Variants in ADGRL3 observed in about 807,000 individuals in gnomAD.
The protein encoded by ADGRL3 is calcium-independent alpha-latrotoxin receptor 3.
A neutral mutation model predicts 153.5 loss-of-function variants in ADGRL3; 62 were observed. That is an observed-to-expected ratio of 0.40 (90% CI 0.33 to 0.50). ADGRL3 has a LOEUF of 0.50. ADGRL3 is among the 20% of genes least tolerant of loss of function. The probability of loss-of-function intolerance (pLI) is 0.47; values close to 1 mark genes in which losing one functional copy is unlikely to be tolerated. For synonymous variants in ADGRL3, 710 were observed against 672.5 expected (o/e 1.06, Z -0.86); for missense variants, 1,641 against 1,859.4 (o/e 0.88, Z 2.16).
At chr4:61,479,459 A>G (rs142441780) in intron 2 of ADGRL3, among the ~76,000 whole-genome samples, 18 of 152,052 alleles carry the variant, frequency 1.2e-4, no homozygotes, top group Non-Finnish European at 2.9e-5. Flanking sequence ...TAGATCTATA[A>G]AAGTACCCAA....
intron 9 of ADGRL3, among the ~76,000 whole-genome samples, chr4:61,886,782 C>T (rs761181337): frequency 2.0e-5 from 3 of 151,786 alleles, no homozygotes; most frequent in Non-Finnish European, 4.4e-5. Context: ...GCTGGGATTA[C>T]AGGCGCCCAC....
intron 1 of ADGRL3, among the ~76,000 whole-genome samples, chr4:61,230,260 A>G (rs1191611753): frequency 1.3e-5 from 2 of 152,158 alleles, no homozygotes; most frequent in African/African-American, 4.8e-5. Flanking sequence ...CAGCCATTCT[A>G]CTACCATTAT....
At chr4:61,737,046 A>AT (rs1403677364) in intron 8 of ADGRL3, among the ~76,000 whole-genome samples, 1 of 151,500 alleles carries the variant, frequency 6.6e-6, no homozygotes, top group Non-Finnish European at 1.5e-5. Flanking sequence ...TCAGCTGGGT[A>AT]TTTTTCTTTA....
intron 4 of ADGRL3, among the ~76,000 whole-genome samples, chr4:61,581,068 A>C (rs949041451): frequency 2.6e-5 from 4 of 152,128 alleles, no homozygotes; most frequent in African/African-American, 9.7e-5. Flanking sequence ...AACAAGAGAA[A>C]CACAGCAATG....
chr4:61,951,454 G>T (rs980037932), intron 17 of ADGRL3, among the ~76,000 whole-genome samples: 3 of 152,066 alleles, frequency 2.0e-5, no homozygotes, highest in African/African-American at 4.8e-5. Context: ...GTGATTCCAT[G>T]GGCAACTAAG....
chr4:61,552,285 G>T (rs1579485507), intron 4 of ADGRL3, among the ~76,000 whole-genome samples: 1 of 151,924 alleles, frequency 6.6e-6, no homozygotes, highest in East Asian at 1.9e-4. Flanking sequence ...CTATAGTTCA[G>T]GTAACTGGTT....
At chr4:61,929,806 G>A (rs1363699609) in intron 13 of ADGRL3, among the ~76,000 whole-genome samples, 2 of 152,158 alleles carry the variant, frequency 1.3e-5, no homozygotes, top group Non-Finnish European at 2.9e-5. Context: ...CCGCCCCCCA[G>A]TTGTGCTAAT....
intron 1 of ADGRL3, among the ~76,000 whole-genome samples, chr4:61,348,307 A>G (rs1356342650): frequency 6.6e-6 from 1 of 152,032 alleles, no homozygotes; most frequent in African/African-American, 2.4e-5. Context: ...TAAGGAGCAT[A>G]ATTTTTGAAT....
intron 2 of ADGRL3, among the ~76,000 whole-genome samples, chr4:61,394,777 C>T (rs558239704): frequency 1.3e-5 from 2 of 152,132 alleles, no homozygotes; most frequent in South Asian, 4.1e-4. Flanking sequence ...TGTTTATTCA[C>T]AAAATTTAAT....
intron 25 of ADGRL3, among the ~76,000 whole-genome samples, chr4:62,050,547 T>C (rs1022139): frequency 0.88 from 133,434 of 151,954 alleles, 59,531 homozygotes; most frequent in Non-Finnish European, 0.95. Flanking sequence ...CACCTGCCAT[T>C]CCATTAATAT....
At chr4:61,585,517 A>C (rs543217031) in intron 4 of ADGRL3, among the ~76,000 whole-genome samples, 1 of 152,136 alleles carries the variant, frequency 6.6e-6, no homozygotes, top group Non-Finnish European at 1.5e-5. Context: ...GCCACAAGAG[A>C]AGCACATATT....
chr4:61,901,199 T>A (rs1285257308), intron 11 of ADGRL3, among the ~76,000 whole-genome samples: 1 of 152,230 alleles, frequency 6.6e-6, no homozygotes, highest in Non-Finnish European at 1.5e-5. Flanking sequence ...GTGAGAATAG[T>A]CTCTTCCTAT....
intron 9 of ADGRL3, among the ~76,000 whole-genome samples, chr4:61,875,511 T>A (rs1356947750): frequency 6.6e-6 from 1 of 152,222 alleles, no homozygotes; most frequent in South Asian, 2.1e-4. Flanking sequence ...ATAAGCTGAA[T>A]GTTCATTCCT....
rs968681852 is a variant in ADGRL3, at chr4:61,372,479, G to A, written c.-239-10645G>A. ...GACCCTCAGCTGCAGGTCTGTTGGA[G>A]TACCCTGCAGTGTGAGGTGTCAGTG... On this transcript the variant is annotated intron_variant, in intron 1 of 26. Transcript: ENST00000683033. 1.5e-4 allele frequency among the ~76,000 whole-genome samples: 23 copies of A among 152,176 alleles called. 1 individual carries two copies. Among genetic ancestry groups the A allele is most frequent in the African/African-American group, 5.3e-4 (22 of 41,542 alleles).
intron 8 of ADGRL3, among the ~76,000 whole-genome samples, chr4:61,770,870 A>C (rs757200637): frequency 1.3e-5 from 2 of 152,198 alleles, no homozygotes; most frequent in Non-Finnish European, 2.9e-5. Context: ...TTGTTACACA[A>C]AGCCTTTCTA....
chr4:61,343,573 A>G (rs947731177), intron 1 of ADGRL3, among the ~76,000 whole-genome samples: 5 of 152,180 alleles, frequency 3.3e-5, no homozygotes, highest in Non-Finnish European at 2.9e-5. Context: ...AATCTAGGCT[A>G]TAAATAAACT....
intron 4 of ADGRL3, among the ~76,000 whole-genome samples, chr4:61,538,496 A>C (rs56236124): frequency 0.3 from 45,584 of 151,956 alleles, 7,053 homozygotes; most frequent in South Asian, 0.4. Flanking sequence ...CTGGAGGGCA[A>C]TGGTGCGATC....
chr4:61,300,654 ATGGCTCATGC>A (rs2094550508), intron 1 of ADGRL3, among the ~76,000 whole-genome samples: 1 of 152,130 alleles, frequency 6.6e-6, no homozygotes, highest in Non-Finnish European at 1.5e-5. Context: ...GATGAATGAG[ATGGCTCATGC>A]TGGTCTTCAC....
intron 8 of ADGRL3, among the ~76,000 whole-genome samples, chr4:61,770,908 G>T (rs2097077381): frequency 6.6e-6 from 1 of 152,232 alleles, no homozygotes; most frequent in South Asian, 2.1e-4. Context: ...GTGATGCGGG[G>T]TTTTTCCTCC....
Sources: gnomAD v4.1 joint callset for allele counts (sites outside exome capture counted in the v4.1 genomes callset) on GRCh38, gnomAD v4.1.1 for gene constraint, MANE v1.5 for transcripts, NCBI Gene and HGNC (gene_info 2026-07-23, HGNC 2026-07-21) for gene names.